BFAR: variants seen among roughly 807,000 people sequenced by gnomAD.
The protein encoded by BFAR is bifunctional apoptosis regulator, also known as RING finger protein 47.
Under a neutral mutation model 54.4 loss-of-function variants are expected in BFAR, and 52 were observed. The ratio of observed to expected loss-of-function variants is 0.96; its 90% CI spans 0.77 to 1.21. The LOEUF is 1.21. Among genes scored for constraint, BFAR ranks in the 50% most tolerant of loss-of-function variants. BFAR has a pLI of 0.00. For missense variants in BFAR, 571 were observed against 534.0 expected (o/e 1.07, Z -0.68); for synonymous variants, 215 against 204.3 (o/e 1.05, Z -0.45).
chr16:14,659,402 G>A (rs34936342), intron 5 of BFAR, among the ~76,000 whole-genome samples: 9 of 149,592 alleles, frequency 6.0e-5, no homozygotes, highest in Admixed American at 2.7e-4. Context: ...CCACCACACC[G>A]GCTAATTTTT....
At chr16:14,651,804 A>G (rs1959976378) in intron 4 of BFAR, among the ~76,000 whole-genome samples, 1 of 151,894 alleles carries the variant, frequency 6.6e-6, no homozygotes, top group Non-Finnish European at 1.5e-5. Context: ...AAGACCCACA[A>G]TCAGAAAGGT....
intron 2 of BFAR, among the ~76,000 whole-genome samples, chr16:14,647,562 T>TC (rs1370383825): frequency 1.3e-5 from 2 of 151,720 alleles, no homozygotes; most frequent in Non-Finnish European, 2.9e-5. Context: ...ATGCCCATAA[T>TC]CCCAGCTACT....
Position 14,649,785 on chromosome 16 carries a change from C to G in BFAR, c.469-19C>G. On this transcript the variant is annotated intron_variant, in intron 3 of 7. Coordinates refer to ENST00000261658, the MANE Select transcript of BFAR (RefSeq NM_016561.3). ...TCTCTGCCTCTCCATGGTTTAAAGT[C>G]CCTGTCACTTTTCCCCAGGTGGTCC... 6.3e-7 allele frequency: 1 copy of G among 1,579,138 alleles called. No homozygotes were observed. Among genetic ancestry groups the G allele is most frequent in the Non-Finnish European group, 8.6e-7 (1 of 1,158,972 alleles).
Position 14,644,532 on chromosome 16 carries a change from G to A in BFAR, c.186G>A (p.Trp62Ter). The change falls in exon 2 of 8, where the codon TGG (tryptophan) becomes TGA (stop). Residue 62 changes from tryptophan (W) to a stop codon, truncating the protein, a stop_gained. Transcript: ENST00000261658. LOFTEE classifies it high-confidence loss of function. ...SFCRHCLALW[W>*]ASSKKTECPE... Reference sequence around the variant, plus strand: ...GCCGTCACTGCCTTGCTTTATGGTGGGCATCTTCAAAGAAAACAGAATGTC... The same window carrying A: ...GCCGTCACTGCCTTGCTTTATGGTGAGCATCTTCAAAGAAAACAGAATGTC... 6.2e-7 allele frequency: 1 copy of A among 1,613,892 alleles called. No homozygotes were observed. Among genetic ancestry groups the A allele is most frequent in the Non-Finnish European group, 8.5e-7 (1 of 1,179,942 alleles).
chr16:14,668,973 C>G lies in BFAR; in HGVS notation c.*1146C>G. On this transcript the variant is annotated 3_prime_UTR_variant, in exon 8 of 8. Coordinates refer to ENST00000261658, the MANE Select transcript of BFAR (RefSeq NM_016561.3). ...GTATAATACAGCAGGTATAATTACACCAAGCGCTATAGTTATAAATATGGC... is the reference window on the plus strand; with the variant it reads ...GTATAATACAGCAGGTATAATTACAGCAAGCGCTATAGTTATAAATATGGC... The G allele has an allele frequency of 2.4e-6, 1 of 413,652 alleles. No homozygotes were observed. Among genetic ancestry groups the G allele is most frequent in the Non-Finnish European group, 4.9e-6 (1 of 202,910 alleles). The allele number at this position is 413,652 out of a possible 1,614,324, so 25.6% of individuals were successfully genotyped here.
chr16:14,638,251 C>T (rs1959514802), intron 1 of BFAR, among the ~76,000 whole-genome samples: 1 of 152,124 alleles, frequency 6.6e-6, no homozygotes, highest in African/African-American at 2.4e-5. Context: ...GGTGTGGTGG[C>T]ACATGCCTAT....
At chr16:14,647,975 C>T (rs1448863862) in intron 2 of BFAR, among the ~76,000 whole-genome samples, 1 of 152,176 alleles carries the variant, frequency 6.6e-6, no homozygotes, top group Non-Finnish European at 1.5e-5. Context: ...TGCAGTGGCT[C>T]ATGCCTCTAA....
intron 4 of BFAR, 160 bp downstream of exon 4, chr16:14,650,133 C>A (rs948318001): frequency 3.2e-6 from 2 of 628,812 alleles, no homozygotes; most frequent in East Asian, 3.3e-5. Context: ...ACCAGCCTGA[C>A]CAATATGATG....
rs1959717472 is a variant in BFAR at position 14,644,278 on chromosome 16, A to G, written c.-69A>G. 6.9e-7 allele frequency: 1 copy of G among 1,459,042 alleles called. No homozygotes were observed. The highest frequency in any genetic ancestry group is 9.4e-7 in the Non-Finnish European group (1 of 1,065,122). The allele number at this position is 1,459,042 out of a possible 1,614,324, so 90.4% of individuals were successfully genotyped here. On this transcript the variant is annotated 5_prime_UTR_variant, in exon 2 of 8. It removes an upstream start codon present in the reference 5' UTR. Transcript: ENST00000261658. ...GTCTCTGTTTTTTTTTTCTAGATTA[A>G]TGATGTTTTGCAGCAGTTTTCTACG...
chr16:14,662,660 C>T (rs372041563), intron 6 of BFAR, among the ~76,000 whole-genome samples: 6 of 152,164 alleles, frequency 3.9e-5, no homozygotes, highest in African/African-American at 1.4e-4. Context: ...GCTGGGACTA[C>T]AGGCGAGCAC....
intron 1 of BFAR, among the ~76,000 whole-genome samples, chr16:14,640,020 G>A (rs1981887): frequency 0.7 from 106,580 of 151,648 alleles, 38,027 homozygotes; most frequent in South Asian, 0.79. Flanking sequence ...GTGTGGTGGC[G>A]CACACCTGTA....
In BFAR at chr16:14,649,829, G is replaced by A; in HGVS notation, c.494G>A (p.Ser165Asn). The change falls in exon 4 of 8, where the codon AGC becomes AAC. Residue 165 changes from serine to asparagine, a missense_variant. Ser to Asn is a conservative substitution (Grantham distance 46). Coordinates refer to ENST00000261658, the MANE Select transcript of BFAR (RefSeq NM_016561.3). The stretch of plus-strand genomic sequence containing the variant: ...GTGGTCCTGCTCGTCTATCACTGGA[G>A]CAGCAGGGAATCTGAACACGACCTC... ...VAVVLLVYHW[S>N]SRESEHDLLV... The A allele has an allele frequency of 1.2e-6, 2 of 1,610,122 alleles. No individual in the cohort carries two copies. The highest frequency in any genetic ancestry group is 1.7e-6 in the Non-Finnish European group (2 of 1,177,708).
intron 1 of BFAR, among the ~76,000 whole-genome samples, chr16:14,639,572 CAG>C (rs1244223197): frequency 1.3e-5 from 2 of 152,174 alleles, no homozygotes; most frequent in East Asian, 1.9e-4. Flanking sequence ...TTTTGGTAGA[CAG>C]AGCCTCCTAA....
intron 1 of BFAR, among the ~76,000 whole-genome samples, chr16:14,634,258 G>GT (rs1217937219): frequency 6.6e-6 from 1 of 152,216 alleles, no homozygotes; most frequent in Non-Finnish European, 1.5e-5. Context: ...TGCTGATGGG[G>GT]TTGTTTTGTT....
At chr16:14,655,308 TTA>T (rs1311439987) in intron 5 of BFAR, 98 bp downstream of exon 5, 2 of 966,906 alleles carry the variant, frequency 2.1e-6, no homozygotes, top group Non-Finnish European at 2.7e-6. Flanking sequence ...TTTTGACAGT[TTA>T]TGTACTTATT....
At chr16:14,665,290 T>C (rs922069432) in intron 7 of BFAR, 1 of 572,448 alleles carries the variant, frequency 1.7e-6, no homozygotes, top group Non-Finnish European at 3.1e-6. Context: ...TTTTCCTATA[T>C]GTCTTATCTC....
chr16:14,662,100 C>G (rs1455662912), intron 6 of BFAR, 35 bp downstream of exon 6: 1 of 1,609,490 alleles, frequency 6.2e-7, no homozygotes. Flanking sequence ...AAAGTTATTC[C>G]ACTGTCAAGT....
intron 1 of BFAR, among the ~76,000 whole-genome samples, chr16:14,636,638 A>C (rs1320002735): frequency 6.6e-6 from 1 of 152,178 alleles, no homozygotes. Flanking sequence ...GCTCAACTGC[A>C]AAGAGGCATG....
At chr16:14,658,140 T>A (rs1960180565) in intron 5 of BFAR, among the ~76,000 whole-genome samples, 1 of 152,178 alleles carries the variant, frequency 6.6e-6, no homozygotes, top group Non-Finnish European at 1.5e-5. Context: ...GCTCTGTCTC[T>A]AGCAAGAGAG....
Sources: gnomAD v4.1 joint callset for allele counts (sites outside exome capture counted in the v4.1 genomes callset) on GRCh38, gnomAD v4.1.1 for gene constraint, MANE v1.5 for transcripts, NCBI Gene and HGNC (gene_info 2026-07-23, HGNC 2026-07-21) for gene names.